Variants in TBC1D5 observed in about 807,000 individuals in gnomAD.
TBC1D5 encodes TBC1 domain family, member 5.
A neutral mutation model predicts 100.3 loss-of-function variants in TBC1D5; 75 were observed. That is an observed-to-expected ratio of 0.75 (90% CI 0.62 to 0.91). The LOEUF is 0.91. Among genes scored for constraint, TBC1D5 ranks in the 40% least tolerant of loss-of-function variants. The pLI is 0.00. For synonymous variants in TBC1D5, 323 were observed against 325.6 expected, an observed-to-expected ratio of 0.99 and a Z score of 0.09; for missense variants, 910 against 942.4, an observed-to-expected ratio of 0.97 and a Z score of 0.45.
chr3:17,484,557 GGT>G (rs57589115), intron 3 of TBC1D5, among the ~76,000 whole-genome samples: 10 of 145,590 alleles, frequency 6.9e-5, no homozygotes, highest in Non-Finnish European at 7.5e-5. Context: ...GTAACACCAG[GGT>G]GTGTGTGTGT....
intron 1 of TBC1D5, among the ~76,000 whole-genome samples, chr3:17,683,772 C>T (rs536272983): frequency 2.0e-5 from 3 of 152,264 alleles, no homozygotes; most frequent in East Asian, 1.9e-4. Context: ...CGAAAATGAA[C>T]AGTAGTTATA....
At chr3:17,221,482 G>C (rs541201653) in intron 17 of TBC1D5, among the ~76,000 whole-genome samples, 1 of 152,106 alleles carries the variant, frequency 6.6e-6, no homozygotes, top group Admixed American at 6.6e-5. Flanking sequence ...TCCCCTTCCT[G>C]TGAGTTCTTA....
intron 16 of TBC1D5, among the ~76,000 whole-genome samples, chr3:17,254,231 C>T (rs1003887620): frequency 2.0e-5 from 3 of 152,126 alleles, no homozygotes; most frequent in Admixed American, 2.0e-4. Context: ...CGGATAAACA[C>T]TTAGAAATTA....
chr3:17,481,498 G>A (rs183766268), intron 3 of TBC1D5, among the ~76,000 whole-genome samples: 1 of 152,352 alleles, frequency 6.6e-6, no homozygotes, highest in Admixed American at 6.5e-5. Flanking sequence ...AGAGGTTGCA[G>A]TGAGCCATGA....
chr3:17,238,724 C>G (rs980642931), intron 16 of TBC1D5, among the ~76,000 whole-genome samples: 1 of 152,126 alleles, frequency 6.6e-6, no homozygotes, highest in Non-Finnish European at 1.5e-5. Flanking sequence ...CCTGGAACTT[C>G]TAGTCTAGTA....
chr3:17,281,553 A>G (rs2080599200), intron 15 of TBC1D5, among the ~76,000 whole-genome samples: 1 of 152,232 alleles, frequency 6.6e-6, no homozygotes, highest in Non-Finnish European at 1.5e-5. Context: ...TGAGGTATAG[A>G]GAAAATCTTG....
At chr3:17,549,731 G>A (rs1307288545) in intron 2 of TBC1D5, among the ~76,000 whole-genome samples, 1 of 152,112 alleles carries the variant, frequency 6.6e-6, no homozygotes, top group Non-Finnish European at 1.5e-5. Context: ...AGGAGTTCAA[G>A]ACCAGCCTGG....
At chr3:17,639,354 T>A (rs1320932524) in intron 1 of TBC1D5, among the ~76,000 whole-genome samples, 2 of 152,014 alleles carry the variant, frequency 1.3e-5, no homozygotes, top group Admixed American at 6.6e-5. Flanking sequence ...ATAAATAAAT[T>A]GTTGCCTTTG....
intron 13 of TBC1D5, among the ~76,000 whole-genome samples, chr3:17,346,753 A>T (rs2089936556): frequency 6.6e-6 from 1 of 152,164 alleles, no homozygotes. Flanking sequence ...ATTTCAGCAT[A>T]TGGAGTGGGG....
intron 13 of TBC1D5, among the ~76,000 whole-genome samples, chr3:17,365,855 T>C (rs193118189): frequency 1.3e-5 from 2 of 152,344 alleles, no homozygotes; most frequent in Non-Finnish European, 2.9e-5. Flanking sequence ...AAACTGTGAA[T>C]ATTAGCTCAA....
chr3:17,206,759 G>A (rs548546410), intron 18 of TBC1D5, among the ~76,000 whole-genome samples: 1 of 152,116 alleles, frequency 6.6e-6, no homozygotes, highest in Admixed American at 6.5e-5. Flanking sequence ...GGTTTAGAGA[G>A]GATTCTGAAC....
chr3:17,575,650 G>C (rs1024272352), intron 2 of TBC1D5, among the ~76,000 whole-genome samples: 2 of 152,092 alleles, frequency 1.3e-5, no homozygotes, highest in Non-Finnish European at 2.9e-5. Context: ...CCCTATGATG[G>C]GGAGGATTCG....
At chr3:17,470,548 A>C (rs2095360762) in intron 3 of TBC1D5, among the ~76,000 whole-genome samples, 1 of 152,214 alleles carries the variant, frequency 6.6e-6, no homozygotes, top group Non-Finnish European at 1.5e-5. Context: ...AGAATAATGG[A>C]GTGACTTAAA....
chr3:17,704,738 G>C (rs1478143251), intron 1 of TBC1D5, among the ~76,000 whole-genome samples: 1 of 52,302 alleles, frequency 1.9e-5, no homozygotes. Flanking sequence ...GCGGCTGGCC[G>C]GGCAGAGGGA....
rs971007976 is a variant in TBC1D5 at position 17,657,738 on chromosome 3, G to A, written c.-100-33825C>T. ...GCCTCTTTAGAGACTTTACATCTCT[G>A]TATCTACTTTCCTTCCTGTAGATTT... On this transcript the variant is annotated intron_variant, in intron 1 of 21. Transcript: ENST00000253692. Among the ~76,000 whole-genome samples the A allele has an allele frequency of 2.0e-5, 3 of 152,282 alleles. No individual in the cohort carries two copies. The East Asian group carries it at 5.8e-4, about 29-fold the overall frequency.
At chr3:17,255,739 A>T (rs1303112414) in intron 16 of TBC1D5, among the ~76,000 whole-genome samples, 7 of 152,254 alleles carry the variant, frequency 4.6e-5, no homozygotes, top group Admixed American at 2.0e-4. Flanking sequence ...TCAATTAAAA[A>T]TTTTAAAATA....
chr3:17,520,257 C>A (rs1350006759), intron 2 of TBC1D5, among the ~76,000 whole-genome samples: 2 of 152,096 alleles, frequency 1.3e-5, no homozygotes, highest in South Asian at 2.1e-4. Flanking sequence ...CCTGATCTAA[C>A]CTTTGACAAG....
At chr3:17,179,284 T>C (rs2068171733) in intron 19 of TBC1D5, among the ~76,000 whole-genome samples, 1 of 152,238 alleles carries the variant, frequency 6.6e-6, no homozygotes, top group Admixed American at 6.5e-5. Flanking sequence ...TCACATTTTC[T>C]TCCTCACTTT....
At chr3:17,591,753 A>G (rs904666537) in intron 2 of TBC1D5, among the ~76,000 whole-genome samples, 1 of 152,204 alleles carries the variant, frequency 6.6e-6, no homozygotes, top group Non-Finnish European at 1.5e-5. Context: ...AGTGAGGGCT[A>G]TTATGGTGGG....
Sources: gnomAD v4.1 joint callset for allele counts (sites outside exome capture counted in the v4.1 genomes callset) on GRCh38, gnomAD v4.1.1 for gene constraint, MANE v1.5 for transcripts, NCBI Gene and HGNC (gene_info 2026-07-23, HGNC 2026-07-21) for gene names.